Variants in UPF3B observed in about 807,000 individuals in gnomAD.
UPF3B encodes regulator of nonsense transcripts 3B.
UPF3B carries 7 observed loss-of-function variants against 40.3 expected under a neutral mutation model. The observed-to-expected ratio is 0.17, with a 90% CI of 0.10 to 0.33. The LOEUF is 0.33. Ranked by LOEUF, UPF3B falls within the 10% of genes least tolerant of loss-of-function variation. UPF3B has a pLI of 1.00. For synonymous variants in UPF3B, 117 were observed against 117.3 expected, an observed-to-expected ratio of 1.00 and a Z score of 0.01; for missense variants, 229 against 358.9, an observed-to-expected ratio of 0.64 and a Z score of 2.93.
At chrX:119,837,103 C>T (rs2056104545) in intron 10 of UPF3B, among the ~76,000 whole-genome samples, 1 of 107,496 alleles carries the variant, frequency 9.3e-6, no homozygotes, top group Non-Finnish European at 1.9e-5. Flanking sequence ...GCCACCACAT[C>T]CAGCCGATTT....
chrX:119,845,232 C>G lies in UPF3B; in HGVS notation c.435G>C (p.Lys145Asn), dbSNP rs1472479202. 8.3e-7 allele frequency: 1 copy of G among 1,209,256 alleles called. No individual in the cohort carries two copies. The highest frequency in any genetic ancestry group is 2.2e-5 in the Admixed American group (1 of 45,735). Residue 145 changes from lysine (K) to asparagine (N), a missense_variant, in exon 4 of 11, where the codon AAG becomes AAC. Transcript: ENST00000276201. ...TAGTCCCGACTTTGGTATCTCTTTT[C>G]TTAGTCTTCTTTTTTGCAGCTTTTT... ...PFQKAAKKKTKKRDTKVGTID... is the reference protein window; with the variant it reads ...PFQKAAKKKTNKRDTKVGTID...
At chrX:119,846,099 C>T (rs1398058076) in intron 3 of UPF3B, among the ~76,000 whole-genome samples, 1 of 110,230 alleles carries the variant, frequency 9.1e-6, no homozygotes, top group African/African-American at 3.3e-5. Flanking sequence ...TTTGGGAGGC[C>T]GAGATGAGAG....
chrX:119,834,772 C>T lies in UPF3B; in HGVS notation c.*106G>A, dbSNP rs886292986. The T allele has an allele frequency of 1.9e-5, 23 of 1,203,197 alleles. No individual in the cohort carries two copies. Among genetic ancestry groups the T allele is most frequent in the African/African-American group, 5.2e-5 (3 of 57,323 alleles). ...TCTGCAGTGTACCCCACCAGCACAG[C>T]GGCTCCCTTTCTCTCTATTCTTTGC... On this transcript the variant is annotated 3_prime_UTR_variant, in exon 11 of 11. Transcript: ENST00000276201.
intron 5 of UPF3B, among the ~76,000 whole-genome samples, chrX:119,810,585 T>C (rs2055821021): frequency 8.9e-6 from 1 of 112,148 alleles, no homozygotes; most frequent in Non-Finnish European, 1.9e-5. Flanking sequence ...CATCTGCTTA[T>C]TATGAGAGTG....
chrX:119,818,398 T>G (rs985023157), intron 4 of UPF3B, among the ~76,000 whole-genome samples: 1 of 111,929 alleles, frequency 8.9e-6, no homozygotes, highest in African/African-American at 3.2e-5. Flanking sequence ...CTGGCCCACG[T>G]GGTGAAACCC....
intron 3 of UPF3B, among the ~76,000 whole-genome samples, chrX:119,824,115 C>T (rs2055954556): frequency 4.8e-5 from 5 of 104,109 alleles, no homozygotes; most frequent in South Asian, 4.5e-4. Context: ...AAAATTGCTT[C>T]GCAGGAGGGA....
chrX:119,850,070 G>GGA (rs1556382809), intron 3 of UPF3B, among the ~76,000 whole-genome samples: 4 of 105,863 alleles, frequency 3.8e-5, no homozygotes, highest in African/African-American at 1.4e-4. Context: ...TGGGGGGGGG[G>GGA]AAATCACTTG....
At chrX:119,822,753 G>A (rs1243068610) in intron 4 of UPF3B, among the ~76,000 whole-genome samples, 2 of 110,755 alleles carry the variant, frequency 1.8e-5, no homozygotes, top group South Asian at 3.8e-4. Flanking sequence ...GACTACAGGC[G>A]CCTGCCACCA....
chrX:119,807,537 T>A, exon 6 of UPF3B: 1 of 856,556 alleles, frequency 1.2e-6, no homozygotes, highest in Non-Finnish European at 1.4e-6. Flanking sequence ...AGAATCGACC[T>A]GGGCTTCGAG....
At position 119,840,218 on chromosome X, in the gene UPF3B, C is replaced by T. The variant is rs535179401; in HGVS notation, c.846+428G>A. ...GGATCTTTCTGCAGGTTTTCTTCTTCCCAAATGCAATGCATGAATCCGAAT... is the reference window on the plus strand; with the variant it reads ...GGATCTTTCTGCAGGTTTTCTTCTTTCCAAATGCAATGCATGAATCCGAAT... On this transcript the variant is annotated intron_variant, in intron 8 of 10. Transcript: ENST00000276201. Among the ~76,000 whole-genome samples the T allele has an allele frequency of 2.4e-4, 27 of 111,854 alleles. No homozygotes were observed. In the South Asian group the frequency reaches 9.9e-3, roughly 41 times the overall value.
downstream of UPF3B, chrX:119,831,594 C>A (rs1361802422): frequency 2.1e-5 from 12 of 559,353 alleles, no homozygotes; most frequent in Non-Finnish European, 2.6e-5. Context: ...GCTGGGATTA[C>A]AGGTGTGCGC....
At chrX:119,830,741 C>CAA (rs1212201382), downstream of UPF3B, among the ~76,000 whole-genome samples, 3,348 of 82,571 alleles carry the variant, frequency 0.041, 171 homozygotes, top group African/African-American at 0.13. Flanking sequence ...TACTGTGTCT[C>CAA]AAAAAAAAAA....
In UPF3B at chrX:119,835,077, T is replaced by C. The variant is rs1453441712; in HGVS notation, c.1303-50A>G. ...CATTACAACAATGCTACTAAGCTTT[T>C]ATATGGGATTTTTAAGAGTCATAGT... On this transcript the variant is annotated intron_variant, in intron 10 of 10. Coordinates refer to ENST00000276201, the MANE Select transcript of UPF3B (RefSeq NM_080632.3). The C allele has an allele frequency of 5.1e-6, 6 of 1,184,901 alleles. No homozygotes were observed. In the African/African-American group the frequency reaches 1.1e-4, roughly 21 times the overall value.
chrX:119,815,957 T>A (rs769920545), intron 4 of UPF3B, among the ~76,000 whole-genome samples: 1 of 111,397 alleles, frequency 9.0e-6, no homozygotes, highest in Non-Finnish European at 1.9e-5. Flanking sequence ...AATTTTTGTA[T>A]TTTTAGTAGA....
chrX:119,826,789 G>A (rs767174167), intron 3 of UPF3B, among the ~76,000 whole-genome samples: 5 of 112,172 alleles, frequency 4.5e-5, no homozygotes, highest in African/African-American at 6.5e-5. Flanking sequence ...GAAGTGATAC[G>A]TGGCTTTCCC....
chrX:119,851,669 A>G, intron 2 of UPF3B, 68 bp from the exon 3 acceptor site: 3 of 992,182 alleles, frequency 3.0e-6, no homozygotes, highest in Non-Finnish European at 4.3e-6. Context: ...GTATGCATAT[A>G]TTAAAGACAA....
At chrX:119,847,550 G>A (rs1027735139) in intron 3 of UPF3B, among the ~76,000 whole-genome samples, 8 of 110,907 alleles carry the variant, frequency 7.2e-5, no homozygotes, top group Admixed American at 3.9e-4. Flanking sequence ...CGCATCACTT[G>A]AGGTCAGGAG....
intron 4 of UPF3B, among the ~76,000 whole-genome samples, chrX:119,820,798 G>T (rs759430659): frequency 2.3e-4 from 26 of 111,221 alleles, no homozygotes; most frequent in African/African-American, 4.3e-4. Flanking sequence ...ATATAAAGCT[G>T]GACACGGTGG....
In UPF3B at chrX:119,841,264, A is replaced by C; in HGVS notation, c.625-6T>G. The C allele has an allele frequency of 8.3e-7, 1 of 1,201,979 alleles. No individual in the cohort carries two copies. The highest frequency in any genetic ancestry group is 1.1e-6 in the Non-Finnish European group (1 of 892,997). ...CTCTTTTCTTCTCTCATTCTCTAGA[A>C]AGAAACATCAACACAAGCCTTCAAA... On this transcript the variant is annotated splice_polypyrimidine_tract_variant and splice_region_variant and intron_variant, in intron 6 of 10. Coordinates refer to ENST00000276201, the MANE Select transcript of UPF3B (RefSeq NM_080632.3).
Sources: allele counts gnomAD v4.1 joint callset (sites outside exome capture counted in the v4.1 genomes callset), GRCh38; gene constraint gnomAD v4.1.1; transcripts MANE v1.5; gene names NCBI Gene and HGNC (gene_info 2026-07-23, HGNC 2026-07-21).